The following KLHL29 variants were observed in gnomAD, a reference collection of about 807,000 sequenced individuals.
KLHL29 encodes kelch-like protein 29.
Under a neutral mutation model 80.4 loss-of-function variants are expected in KLHL29, and 21 were observed. The ratio of observed to expected loss-of-function variants is 0.26; its 90% CI spans 0.19 to 0.38. KLHL29 has a LOEUF of 0.38. Ranked by LOEUF, KLHL29 falls within the 10% of genes least tolerant of loss-of-function variation. KLHL29 has a pLI of 1.00. For synonymous variants in KLHL29, 511 were observed against 526.8 expected, an observed-to-expected ratio of 0.97 and a Z score of 0.41; for missense variants, 867 against 1,223.9, an observed-to-expected ratio of 0.71 and a Z score of 4.35.
chr2:23,430,366 G>C (rs1006250414), intron 1 of KLHL29, among the ~76,000 whole-genome samples: 1 of 152,220 alleles, frequency 6.6e-6, no homozygotes, highest in African/African-American at 2.4e-5. Flanking sequence ...CATTCTGAAA[G>C]AATTCCACTG....
chr2:23,532,056 A>G (rs1233576789), intron 2 of KLHL29, among the ~76,000 whole-genome samples: 1 of 152,156 alleles, frequency 6.6e-6, no homozygotes, highest in Non-Finnish European at 1.5e-5. Flanking sequence ...AGAGCATCTC[A>G]AATAAGTCAG....
At chr2:23,566,041 G>A (rs1027532353) in intron 3 of KLHL29, among the ~76,000 whole-genome samples, 2 of 152,258 alleles carry the variant, frequency 1.3e-5, no homozygotes, top group African/African-American at 2.4e-5. Flanking sequence ...GAGGCTGGCT[G>A]TGCTCCCAGC....
intron 5 of KLHL29, among the ~76,000 whole-genome samples, chr2:23,660,955 C>T (rs558652231): frequency 1.3e-4 from 20 of 152,150 alleles, no homozygotes; most frequent in Middle Eastern, 6.8e-3. Context: ...CACTTGAACC[C>T]GGGAGGTAGA....
At chr2:23,658,665 G>A (rs1670314431) in intron 5 of KLHL29, among the ~76,000 whole-genome samples, 1 of 152,224 alleles carries the variant, frequency 6.6e-6, no homozygotes, top group South Asian at 2.1e-4. Flanking sequence ...CTGCCAAGAG[G>A]CCTTCCGGTT....
rs1374053770 is a variant in KLHL29 at position 23,676,790 on chromosome 2, T to C, written c.941-7609T>C. 2.0e-5 allele frequency among the ~76,000 whole-genome samples: 3 copies of C among 152,094 alleles called. No homozygotes were observed. In the East Asian group the frequency reaches 5.8e-4, roughly 29 times the overall value. ...GAGTTGGGGGATGCGTGGAACATGA[T>C]AGAATATGAAGCTGTGAGCACAGGT... On this transcript the variant is annotated intron_variant, in intron 5 of 13. Coordinates refer to ENST00000486442, the MANE Select transcript of KLHL29 (RefSeq NM_052920.2).
chr2:23,599,175 G>T (rs535125724), intron 3 of KLHL29, among the ~76,000 whole-genome samples: 16 of 152,172 alleles, frequency 1.1e-4, no homozygotes, highest in Non-Finnish European at 1.8e-4. Context: ...TGAAGCCTGC[G>T]GCAAGGACTC....
At chr2:23,532,423 A>G (rs988674249) in intron 2 of KLHL29, among the ~76,000 whole-genome samples, 3 of 152,080 alleles carry the variant, frequency 2.0e-5, no homozygotes, top group African/African-American at 7.2e-5. Context: ...GGAGCTGGTG[A>G]AGGGAATGGG....
chr2:23,635,547 C>T (rs1379611956), intron 3 of KLHL29, among the ~76,000 whole-genome samples: 2 of 152,258 alleles, frequency 1.3e-5, no homozygotes, highest in African/African-American at 2.4e-5. Context: ...TAGTGTTCTT[C>T]AGTCGCTGAA....
chr2:23,627,660 G>GT (rs1322984576), intron 3 of KLHL29, among the ~76,000 whole-genome samples: 1 of 152,164 alleles, frequency 6.6e-6, no homozygotes, highest in Non-Finnish European at 1.5e-5. Context: ...GCCCCTCGGT[G>GT]TGACTCTGCC....
At chr2:23,603,418 G>A (rs1668623635) in intron 3 of KLHL29, among the ~76,000 whole-genome samples, 1 of 152,132 alleles carries the variant, frequency 6.6e-6, no homozygotes, top group South Asian at 2.1e-4. Flanking sequence ...CTGAGTTCTT[G>A]GGGGACCTCT....
chr2:23,641,563 C>T (rs1380728925), intron 4 of KLHL29, among the ~76,000 whole-genome samples: 2 of 121,698 alleles, frequency 1.6e-5, no homozygotes, highest in Non-Finnish European at 3.7e-5. Flanking sequence ...GGGCATTCAC[C>T]ACATGCCAGA....
chr2:23,396,739 GCC>G (rs1424082964), intron 1 of KLHL29, among the ~76,000 whole-genome samples: 1 of 152,160 alleles, frequency 6.6e-6, no homozygotes, highest in African/African-American at 2.4e-5. Flanking sequence ...TCTTGCCGAA[GCC>G]TCGATTTGCC....
At chr2:23,524,023 A>G (rs1666198481) in intron 2 of KLHL29, 3 of 471,470 alleles carry the variant, frequency 6.4e-6, no homozygotes, top group Admixed American at 4.7e-5. Flanking sequence ...TGTCATGTGA[A>G]TGAGTTTTTT....
intron 3 of KLHL29, among the ~76,000 whole-genome samples, chr2:23,564,089 G>T (rs549995346): frequency 6.6e-6 from 1 of 152,382 alleles, no homozygotes; most frequent in East Asian, 1.9e-4. Flanking sequence ...GGGGCTCCAG[G>T]TGGGAGAGAG....
intron 1 of KLHL29, among the ~76,000 whole-genome samples, chr2:23,434,056 T>A (rs941905294): frequency 1.3e-5 from 2 of 151,640 alleles, no homozygotes; most frequent in Non-Finnish European, 2.9e-5. Flanking sequence ...GCGCGGTGGC[T>A]CACGCCTGTA....
At chr2:23,494,502 A>G (rs867871124) in intron 2 of KLHL29, among the ~76,000 whole-genome samples, 2 of 152,226 alleles carry the variant, frequency 1.3e-5, no homozygotes, top group Non-Finnish European at 2.9e-5. Context: ...ATGCAGTCCA[A>G]GTGGAAAGGC....
At chr2:23,459,859 A>AC (rs1664163642) in intron 1 of KLHL29, among the ~76,000 whole-genome samples, 1 of 152,200 alleles carries the variant, frequency 6.6e-6, no homozygotes, top group Non-Finnish European at 1.5e-5. Context: ...GGTGACCTTA[A>AC]CAAGAGAACT....
intron 3 of KLHL29, among the ~76,000 whole-genome samples, chr2:23,567,516 G>A (rs540751108): frequency 9.2e-5 from 14 of 152,316 alleles, no homozygotes; most frequent in African/African-American, 2.2e-4. Flanking sequence ...TAGGGCTATC[G>A]GGGTGGATAT....
At chr2:23,514,418 C>T (rs748275143) in intron 2 of KLHL29, among the ~76,000 whole-genome samples, 4 of 152,164 alleles carry the variant, frequency 2.6e-5, no homozygotes, top group African/African-American at 4.8e-5. Flanking sequence ...GGTGGGCAGA[C>T]GCCGGCCCCA....
Sources: gnomAD v4.1 joint callset for allele counts (sites outside exome capture counted in the v4.1 genomes callset) on GRCh38, gnomAD v4.1.1 for gene constraint, MANE v1.5 for transcripts, NCBI Gene and HGNC (gene_info 2026-07-23, HGNC 2026-07-21) for gene names.